Variants in LRRC36 observed in about 807,000 individuals in gnomAD.
The protein encoded by LRRC36 is leucine-rich repeat-containing protein 36.
Under a neutral mutation model 81.1 loss-of-function variants are expected in LRRC36, and 62 were observed. That is an observed-to-expected ratio of 0.76 (90% CI 0.62 to 0.94). The LOEUF (loss-of-function observed/expected upper bound fraction) is 0.94, where lower values mean the gene tolerates loss of function less well. Ranked by LOEUF, LRRC36 falls within the 40% of genes least tolerant of loss-of-function variation. LRRC36 has a pLI of 0.00. For synonymous variants in LRRC36, 334 were observed against 348.6 expected (o/e 0.96, Z 0.47); for missense variants, 761 against 881.7 (o/e 0.86, Z 1.73).
At chr16:67,339,174 C>A (rs532968955) in intron 1 of LRRC36, among the ~76,000 whole-genome samples, 134 of 150,272 alleles carry the variant, frequency 8.9e-4, no homozygotes, top group Admixed American at 3.6e-3. Flanking sequence ...GGATTACAGA[C>A]ATGAGCCACT....
chr16:67,371,967 G>A (rs1396091237), intron 9 of LRRC36: 4 of 152,536 alleles, frequency 2.6e-5, no homozygotes, highest in Admixed American at 2.6e-4. Context: ...GCAAACAGAA[G>A]ATGAATTAGA....
At chr16:67,337,447 T>G (rs2037818085) in intron 1 of LRRC36, among the ~76,000 whole-genome samples, 3 of 150,700 alleles carry the variant, frequency 2.0e-5, no homozygotes, top group South Asian at 2.1e-4. Flanking sequence ...AGCCCCCACC[T>G]CCTGGATTCA....
chr16:67,354,858 T>C (rs1268085354), intron 5 of LRRC36, among the ~76,000 whole-genome samples: 1 of 152,220 alleles, frequency 6.6e-6, no homozygotes, highest in Non-Finnish European at 1.5e-5. Flanking sequence ...TCTACTGTTG[T>C]AGTATCATAC....
Position 67,346,455 on chromosome 16 carries a change from C to A in LRRC36, c.391+7C>A, listed in dbSNP as rs773993809. On this transcript the variant is annotated splice_region_variant and intron_variant, in intron 3 of 13. Transcript: ENST00000329956. ...CAAACTCTGGAGAAATTAGGTAAGA[C>A]CTTCCTTCTCTGTTCCTGTCCACAG... 1 of 1,547,610 alleles carries A rather than the reference C, an allele frequency of 6.5e-7. No individual in the cohort carries two copies.
chr16:67,339,014 C>T (rs1188258402), intron 1 of LRRC36, among the ~76,000 whole-genome samples: 2 of 150,232 alleles, frequency 1.3e-5, no homozygotes, highest in South Asian at 4.2e-4. Flanking sequence ...TCTGCCTCAG[C>T]CTCCTGAGTA....
intron 1 of LRRC36, among the ~76,000 whole-genome samples, chr16:67,330,752 C>G (rs1437989159): frequency 6.6e-6 from 1 of 152,002 alleles, no homozygotes; most frequent in African/African-American, 2.4e-5. Context: ...ATAATCCCAG[C>G]TACTCAGGAG....
At chr16:67,354,839 C>T (rs571694045) in intron 5 of LRRC36, among the ~76,000 whole-genome samples, 3 of 152,224 alleles carry the variant, frequency 2.0e-5, no homozygotes, top group Admixed American at 6.5e-5. Flanking sequence ...AATGTATAAA[C>T]GACATGTATC....
At chr16:67,376,405 CAGA>C (rs2039896266) in intron 10 of LRRC36, among the ~76,000 whole-genome samples, 2 of 152,168 alleles carry the variant, frequency 1.3e-5, no homozygotes, top group South Asian at 4.1e-4. Context: ...AAGGGACATA[CAGA>C]AGAAGAAATC....
intron 1 of LRRC36, among the ~76,000 whole-genome samples, chr16:67,337,545 A>G (rs1337021925): frequency 6.6e-6 from 1 of 150,878 alleles, no homozygotes; most frequent in African/African-American, 2.4e-5. Context: ...TTTTTAGTAG[A>G]GACAGGGTTT....
At chr16:67,357,088 T>C (rs531122003) in intron 5 of LRRC36, among the ~76,000 whole-genome samples, 6 of 152,242 alleles carry the variant, frequency 3.9e-5, no homozygotes, top group Non-Finnish European at 5.9e-5. Context: ...AATGGTAAAA[T>C]GCAGATGAGG....
chr16:67,375,761 A>G (rs2039867331), intron 10 of LRRC36, among the ~76,000 whole-genome samples: 2 of 152,170 alleles, frequency 1.3e-5, no homozygotes, highest in South Asian at 4.1e-4. Context: ...TAATGAATAC[A>G]ACAGAAATTG....
chr16:67,331,370 A>T (rs953784619), intron 1 of LRRC36, among the ~76,000 whole-genome samples: 22 of 152,022 alleles, frequency 1.4e-4, no homozygotes, highest in Non-Finnish European at 2.8e-4. Flanking sequence ...CAAAAAATTT[A>T]AAAATTAACT....
intron 2 of LRRC36, among the ~76,000 whole-genome samples, chr16:67,345,313 C>CA (rs34575374): frequency 0.054 from 4,782 of 88,050 alleles, 113 homozygotes; most frequent in Non-Finnish European, 0.079. Context: ...TACCCTGTCT[C>CA]AAAAAAAAAA....
chr16:67,335,621 T>C (rs2037721132), intron 1 of LRRC36, among the ~76,000 whole-genome samples: 1 of 152,292 alleles, frequency 6.6e-6, no homozygotes, highest in African/African-American at 2.4e-5. Flanking sequence ...AGAGTATTGA[T>C]TGGGGAAGTG....
chr16:67,383,268 A>G (rs1026424602), intron 13 of LRRC36, among the ~76,000 whole-genome samples: 2 of 152,160 alleles, frequency 1.3e-5, no homozygotes, highest in Non-Finnish European at 2.9e-5. Flanking sequence ...CTTCTACTTC[A>G]CTTCCTGATT....
At chr16:67,353,740 A>G (rs1416690461) in intron 5 of LRRC36, among the ~76,000 whole-genome samples, 1 of 152,090 alleles carries the variant, frequency 6.6e-6, no homozygotes, top group South Asian at 2.1e-4. Flanking sequence ...CCTCACAACA[A>G]CCTTGAAGGT....
intron 2 of LRRC36, among the ~76,000 whole-genome samples, chr16:67,343,368 C>T (rs2038182828): frequency 6.6e-6 from 1 of 151,916 alleles, no homozygotes; most frequent in Non-Finnish European, 1.5e-5. Flanking sequence ...CAAGACCAGC[C>T]TGAGCAACAT....
chr16:67,330,899 T>C (rs2037450305), intron 1 of LRRC36, among the ~76,000 whole-genome samples: 2 of 152,038 alleles, frequency 1.3e-5, no homozygotes, highest in African/African-American at 2.4e-5. Flanking sequence ...TCTTAGTCCC[T>C]TTTCTCTTGT....
At chr16:67,356,024 G>A (rs375399170) in intron 5 of LRRC36, among the ~76,000 whole-genome samples, 44 of 152,298 alleles carry the variant, frequency 2.9e-4, no homozygotes, top group Middle Eastern at 3.4e-3. Context: ...TTTATGTTGG[G>A]TAGAAGGTCA....
Sources: allele counts gnomAD v4.1 joint callset (sites outside exome capture counted in the v4.1 genomes callset), GRCh38; gene constraint gnomAD v4.1.1; transcripts MANE v1.5; gene names NCBI Gene and HGNC (gene_info 2026-07-23, HGNC 2026-07-21).